EHBP1: variants seen among roughly 807,000 people sequenced by gnomAD.
The protein encoded by EHBP1 is EH domain-binding protein 1.
In EHBP1, 55 loss-of-function variants were observed where a neutral mutation model predicts 144.0. The observed-to-expected ratio is 0.38, with a 90% CI of 0.31 to 0.48. The LOEUF is 0.48. Ranked by LOEUF, EHBP1 falls within the 20% of genes least tolerant of loss-of-function variation. The probability of loss-of-function intolerance (pLI) is 0.98; values close to 1 mark genes in which losing one functional copy is unlikely to be tolerated. For missense variants in EHBP1, 1,200 were observed against 1,364.2 expected, an observed-to-expected ratio of 0.88 and a Z score of 1.90; for synonymous variants, 469 against 472.7, an observed-to-expected ratio of 0.99 and a Z score of 0.10.
intron 10 of EHBP1, among the ~76,000 whole-genome samples, chr2:62,926,324 A>G (rs928054679): frequency 6.6e-6 from 1 of 152,196 alleles, no homozygotes; most frequent in African/African-American, 2.4e-5. Flanking sequence ...GCAAAAGCAT[A>G]AATAAACAAA....
chr2:62,940,240 C>T (rs1387772237), intron 10 of EHBP1: 7 of 281,776 alleles, frequency 2.5e-5, no homozygotes, highest in African/African-American at 1.6e-4. Context: ...TTTATTCGGT[C>T]AGTATTGAGC....
chr2:63,037,212 A>C (rs934618487), intron 19 of EHBP1, among the ~76,000 whole-genome samples: 5 of 151,946 alleles, frequency 3.3e-5, no homozygotes. Context: ...TATGTCTCTC[A>C]GCACTGTGAG....
At chr2:62,928,211 G>A (rs1039212691) in intron 10 of EHBP1, among the ~76,000 whole-genome samples, 2 of 152,170 alleles carry the variant, frequency 1.3e-5, no homozygotes, top group Non-Finnish European at 2.9e-5. Context: ...GAACCTGAAA[G>A]TGTCATGCCT....
At chr2:63,034,660 C>G (rs549658625) in intron 19 of EHBP1, among the ~76,000 whole-genome samples, 3 of 151,830 alleles carry the variant, frequency 2.0e-5, no homozygotes, top group Non-Finnish European at 4.4e-5. Flanking sequence ...CCACCACAGC[C>G]CACTCTAAGT....
At chr2:62,910,444 G>A (rs1188182658) in intron 10 of EHBP1, among the ~76,000 whole-genome samples, 2 of 151,982 alleles carry the variant, frequency 1.3e-5, no homozygotes, top group Admixed American at 6.6e-5. Context: ...TTAAACCATC[G>A]TGTTAAATTT....
chr2:62,861,691 A>G (rs1160542966), intron 8 of EHBP1, among the ~76,000 whole-genome samples: 3 of 151,722 alleles, frequency 2.0e-5, no homozygotes, highest in Non-Finnish European at 4.4e-5. Flanking sequence ...GCAGTGAGCC[A>G]AGATCGTGCC....
At chr2:62,770,441 G>A (rs1022925834) in intron 4 of EHBP1, among the ~76,000 whole-genome samples, 2 of 152,174 alleles carry the variant, frequency 1.3e-5, no homozygotes, top group Non-Finnish European at 2.9e-5. Flanking sequence ...TTAGAGGAAT[G>A]CAAATCAAAA....
At chr2:62,937,190 G>A (rs2056442782) in intron 10 of EHBP1, among the ~76,000 whole-genome samples, 1 of 152,178 alleles carries the variant, frequency 6.6e-6, no homozygotes, top group Admixed American at 6.5e-5. Context: ...TGTTAGGATT[G>A]AAAAATTTAC....
chr2:63,028,329 G>A (rs958846931), intron 19 of EHBP1, among the ~76,000 whole-genome samples: 4 of 152,096 alleles, frequency 2.6e-5, no homozygotes, highest in Non-Finnish European at 4.4e-5. Context: ...GGTATAGAGT[G>A]GAAAAGAAAC....
intron 10 of EHBP1, among the ~76,000 whole-genome samples, chr2:62,941,836 T>C (rs1180984924): frequency 6.6e-6 from 1 of 152,126 alleles, no homozygotes; most frequent in African/African-American, 2.4e-5. Flanking sequence ...GTTTTCTTTG[T>C]AGTTTTCAAT....
upstream of EHBP1, chr2:62,705,528 T>G (rs2034460617): frequency 2.0e-5 from 3 of 152,032 alleles, no homozygotes. Context: ...GTGCGTCGCA[T>G]TCCGGCTTCG....
At chr2:62,951,544 G>GC (rs1251843029) in intron 13 of EHBP1, among the ~76,000 whole-genome samples, 2 of 140,802 alleles carry the variant, frequency 1.4e-5, no homozygotes, top group East Asian at 2.2e-4. Context: ...TGGGGGGGGG[G>GC]GGTGGAGTCT....
At chr2:62,759,056 C>T (rs1206279893) in intron 3 of EHBP1, among the ~76,000 whole-genome samples, 1 of 152,100 alleles carries the variant, frequency 6.6e-6, no homozygotes, top group African/African-American at 2.4e-5. Context: ...AAGAATATGA[C>T]ATGAAATAAT....
chr2:62,785,302 A>G lies in EHBP1; in HGVS notation c.312+13910A>G, dbSNP rs1366088931. Among the ~76,000 whole-genome samples the G allele has an allele frequency of 3.3e-5, 5 of 152,322 alleles. No individual in the cohort carries two copies. The East Asian group carries it at 7.7e-4, about 24-fold the overall frequency. ...TATAGAGAATGAATTGAAATGTGCA[A>G]AACTGAAGGACTTGAGATCAGATAG... On this transcript the variant is annotated intron_variant, in intron 5 of 22. Transcript: ENST00000431489.
chr2:62,806,719 G>T (rs1417298734), intron 5 of EHBP1, among the ~76,000 whole-genome samples: 1 of 151,544 alleles, frequency 6.6e-6, no homozygotes, highest in Non-Finnish European at 1.5e-5. Flanking sequence ...TCAGTTAATT[G>T]TTAATTTTTT....
intron 5 of EHBP1, among the ~76,000 whole-genome samples, chr2:62,819,183 GA>G (rs2045684054): frequency 6.6e-6 from 1 of 152,166 alleles, no homozygotes; most frequent in South Asian, 2.1e-4. Flanking sequence ...TATCTCCAAG[GA>G]ATGTGGAGTT....
chr2:62,797,209 G>A (rs189397202), intron 5 of EHBP1, among the ~76,000 whole-genome samples: 2 of 152,068 alleles, frequency 1.3e-5, no homozygotes, highest in African/African-American at 4.8e-5. Flanking sequence ...AGCTATGCAT[G>A]GCTTTTGTGT....
At chr2:62,773,053 A>G (rs1273273747) in intron 5 of EHBP1, among the ~76,000 whole-genome samples, 1 of 152,236 alleles carries the variant, frequency 6.6e-6, no homozygotes, top group Non-Finnish European at 1.5e-5. Flanking sequence ...TTTGAAATAC[A>G]TTAACTCAAG....
chr2:62,850,608 AAT>A (rs2048624419), intron 7 of EHBP1, among the ~76,000 whole-genome samples: 1 of 152,172 alleles, frequency 6.6e-6, no homozygotes, highest in African/African-American at 2.4e-5. Context: ...GTAGGGGAGA[AAT>A]ATAACATTAT....
Sources: gnomAD v4.1 joint callset for allele counts (sites outside exome capture counted in the v4.1 genomes callset) on GRCh38, gnomAD v4.1.1 for gene constraint, MANE v1.5 for transcripts, NCBI Gene and HGNC (gene_info 2026-07-23, HGNC 2026-07-21) for gene names.